Variants in GREB1L observed in about 807,000 individuals in gnomAD.
The protein encoded by GREB1L is GREB1 like retinoic acid receptor coactivator, also known as GREB1-like protein.
In GREB1L, 17 loss-of-function variants were observed where a neutral mutation model predicts 200.8. The ratio of observed to expected loss-of-function variants is 0.08; its 90% CI spans 0.06 to 0.13. The LOEUF (loss-of-function observed/expected upper bound fraction) is 0.13, where lower values mean the gene tolerates loss of function less well. Ranked by LOEUF, GREB1L falls within the 10% of genes least tolerant of loss-of-function variation. The pLI is 1.00. For missense variants in GREB1L, 1,657 were observed against 2,367.7 expected (o/e 0.70, Z 6.23); for synonymous variants, 789 against 893.0 (o/e 0.88, Z 2.08).
intron 1 of GREB1L, among the ~76,000 whole-genome samples, chr18:21,288,470 G>A (rs961057724): frequency 1.3e-5 from 2 of 151,942 alleles, no homozygotes; most frequent in African/African-American, 4.8e-5. Flanking sequence ...GCGCAGGTTC[G>A]AAAAAATACC....
chr18:21,458,835 G>A (rs2034900941), intron 15 of GREB1L, among the ~76,000 whole-genome samples: 1 of 152,160 alleles, frequency 6.6e-6, no homozygotes, highest in South Asian at 2.1e-4. Context: ...TTTTATTTTA[G>A]TGTCCTTTTT....
rs71358423 is a variant in GREB1L, at chr18:21,294,166, T to C, written c.-120+51773T>C. ...ATGTGGCTTTTGAGAAGTTGAAATG[T>C]GGCTCATGTGACTGAAGAACTGAAC... On this transcript the variant is annotated intron_variant, in intron 1 of 32. Coordinates refer to ENST00000424526, the MANE Select transcript of GREB1L (RefSeq NM_001142966.3). 3.3e-3 allele frequency among the ~76,000 whole-genome samples: 499 copies of C among 152,366 alleles called. 2 individuals are homozygous for C. The highest frequency in any genetic ancestry group is 5.3e-3 in the Non-Finnish European group (359 of 68,042).
Position 21,383,612 on chromosome 18 carries a change from G to C in GREB1L, c.94G>C (p.Val32Leu). The C allele has an allele frequency of 6.4e-7, 1 of 1,551,132 alleles. No homozygotes were observed. The stretch of plus-strand genomic sequence containing the variant: ...AGCCTCCCTCAGATGTAGTAGTGTG[G>C]TACCACGGCCAATTTTTTCCCAGCT... ...IEASLRCSSV[V>L]PRPIFSQLYL... Residue 32 changes from valine to leucine, a missense_variant, in exon 3 of 33, where the codon GTA becomes CTA. Val to Leu is a conservative substitution (Grantham distance 32). Coordinates refer to ENST00000424526, the MANE Select transcript of GREB1L (RefSeq NM_001142966.3).
At chr18:21,467,724 CACTCCA>C (rs2035311575) in intron 15 of GREB1L, among the ~76,000 whole-genome samples, 1 of 152,064 alleles carries the variant, frequency 6.6e-6, no homozygotes, top group South Asian at 2.1e-4. Flanking sequence ...CCAGAAATTC[CACTCCA>C]AGATATGAAA....
chr18:21,384,365 C>T lies in GREB1L; in HGVS notation c.317C>T (p.Ser106Leu). The T allele has an allele frequency of 6.4e-7, 1 of 1,551,682 alleles. No homozygotes were observed. Among genetic ancestry groups the T allele is most frequent in the Non-Finnish European group, 8.7e-7 (1 of 1,146,978 alleles). The change falls in exon 4 of 33, where the codon TCA (serine) becomes TTA (leucine). Residue 106 changes from serine (S) to leucine (L), a missense_variant. Coordinates refer to ENST00000424526, the MANE Select transcript of GREB1L (RefSeq NM_001142966.3). ...SDSNSPPIPY[S>L]QKPAPEGSCT... ...TCAAACAGCCCACCAATTCCCTATTCACAAAAACCTGCCCCAGAAGGATCT... is the reference window on the plus strand; with the variant it reads ...TCAAACAGCCCACCAATTCCCTATTTACAAAAACCTGCCCCAGAAGGATCT...
chr18:21,256,913 G>C (rs2037807017), intron 1 of GREB1L, among the ~76,000 whole-genome samples: 2 of 149,972 alleles, frequency 1.3e-5, no homozygotes, highest in Admixed American at 1.4e-4. Flanking sequence ...GCTGAGGCAG[G>C]AGGATTGTTT....
chr18:21,363,953 G>T (rs554482467), intron 1 of GREB1L: 80 of 152,252 alleles, frequency 5.3e-4, no homozygotes, highest in African/African-American at 1.9e-3. Context: ...TAATGATACA[G>T]AATATATTAT....
intron 23 of GREB1L, among the ~76,000 whole-genome samples, chr18:21,503,039 G>C (rs1384535365): frequency 1.3e-5 from 2 of 152,046 alleles, no homozygotes; most frequent in Non-Finnish European, 2.9e-5. Context: ...AACTAAACTA[G>C]GCTTGAAAGT....
intron 1 of GREB1L, among the ~76,000 whole-genome samples, chr18:21,263,583 G>A (rs905651780): frequency 7.9e-5 from 12 of 152,106 alleles, no homozygotes; most frequent in East Asian, 3.9e-4. Context: ...TAAGTTTAAT[G>A]TTGTCCTAAA....
chr18:21,251,575 G>C (rs772868513), intron 1 of GREB1L, among the ~76,000 whole-genome samples: 14 of 152,114 alleles, frequency 9.2e-5, no homozygotes, highest in Admixed American at 9.2e-4. Context: ...AAACATTTTT[G>C]TAAAGCAAGA....
intron 20 of GREB1L, among the ~76,000 whole-genome samples, chr18:21,496,017 G>A (rs2036530056): frequency 1.3e-5 from 2 of 152,182 alleles, no homozygotes; most frequent in Non-Finnish European, 1.5e-5. Context: ...TTTGAGAAAT[G>A]TCAGAGAGGC....
chr18:21,246,069 C>A (rs534534238), intron 1 of GREB1L, among the ~76,000 whole-genome samples: 1 of 152,218 alleles, frequency 6.6e-6, no homozygotes, highest in Non-Finnish European at 1.5e-5. Context: ...TTCTTTTCTT[C>A]TTTTTCCCTT....
At chr18:21,284,093 A>G (rs1433306466) in intron 1 of GREB1L, among the ~76,000 whole-genome samples, 9 of 152,040 alleles carry the variant, frequency 5.9e-5, no homozygotes, top group Non-Finnish European at 1.3e-4. Flanking sequence ...CCCCCTTTGT[A>G]TGTGTTGTAC....
intron 1 of GREB1L, among the ~76,000 whole-genome samples, chr18:21,285,304 G>A (rs571218160): frequency 8.5e-5 from 13 of 152,102 alleles, no homozygotes; most frequent in African/African-American, 2.9e-4. Flanking sequence ...CTAAGAAACC[G>A]TTGCCTAATC....
chr18:21,340,670 G>A (rs2145144147), intron 1 of GREB1L, among the ~76,000 whole-genome samples: 1 of 151,846 alleles, frequency 6.6e-6, no homozygotes, highest in South Asian at 2.1e-4. Flanking sequence ...AGCCTCCTGA[G>A]TAGCTGGGAT....
intron 15 of GREB1L, among the ~76,000 whole-genome samples, chr18:21,465,106 T>C (rs1445096623): frequency 1.3e-5 from 2 of 152,204 alleles, no homozygotes; most frequent in Non-Finnish European, 1.5e-5. Flanking sequence ...TTGTTTGTGG[T>C]GAAGAACATT....
At chr18:21,356,614 A>T (rs1265239050) in intron 1 of GREB1L, among the ~76,000 whole-genome samples, 1 of 152,186 alleles carries the variant, frequency 6.6e-6, no homozygotes, top group Non-Finnish European at 1.5e-5. Context: ...CGCTATTATG[A>T]ATAATGCTGT....
At chr18:21,272,755 G>A (rs2038098587) in intron 1 of GREB1L, among the ~76,000 whole-genome samples, 1 of 152,090 alleles carries the variant, frequency 6.6e-6, no homozygotes, top group Non-Finnish European at 1.5e-5. Flanking sequence ...ACTATGTACA[G>A]TTCATCTTTT....
At chr18:21,439,786 C>T (rs2033794168) in intron 8 of GREB1L, 149 bp downstream of exon 8, 3 of 627,078 alleles carry the variant, frequency 4.8e-6, no homozygotes, top group East Asian at 2.8e-5. Context: ...TTGGTGTGAA[C>T]AGTAATGAGT....
Sources: allele counts gnomAD v4.1 joint callset (sites outside exome capture counted in the v4.1 genomes callset), GRCh38; gene constraint gnomAD v4.1.1; transcripts MANE v1.5; gene names NCBI Gene and HGNC (gene_info 2026-07-23, HGNC 2026-07-21).